Variants in PHF12 observed in about 807,000 individuals in gnomAD.
PHF12 encodes PHD factor 1.
PHF12 carries 6 observed loss-of-function variants against 99.8 expected under a neutral mutation model. The observed-to-expected ratio is 0.06, with a 90% CI of 0.03 to 0.12. The LOEUF (loss-of-function observed/expected upper bound fraction) is 0.12. Ranked by LOEUF, PHF12 falls within the 10% of genes least tolerant of loss-of-function variation. The pLI is 1.00. For missense variants in PHF12, 954 were observed against 1,300.1 expected, an observed-to-expected ratio of 0.73 and a Z score of 4.09; for synonymous variants, 480 against 514.9, an observed-to-expected ratio of 0.93 and a Z score of 0.92.
At chr17:28,946,110 T>C (rs1199385075) in intron 2 of PHF12, among the ~76,000 whole-genome samples, 2 of 152,054 alleles carry the variant, frequency 1.3e-5, no homozygotes, top group Non-Finnish European at 2.9e-5. Flanking sequence ...CCAGCCTCGG[T>C]GACAGAGCAA....
In PHF12 at chr17:28,906,137, G is replaced by A; in HGVS notation, c.*46C>T. ...GTTTGTGTACATTTTTGCATTGCAG[G>A]AGTCTTGGGTGGGTGTACAGGCCAG... On this transcript the variant is annotated 3_prime_UTR_variant, in exon 15 of 15. Transcript: ENST00000332830. The surrounding 1 kb of genome is among the most constrained non-coding windows in gnomAD (Gnocchi z 4.2). 6.6e-7 allele frequency: 1 copy of A among 1,526,124 alleles called. No homozygotes were observed. 94.5% of individuals were successfully genotyped at this position (1,526,124 alleles called of 1,614,324 possible). A position where few individuals can be genotyped will look rare whatever the true frequency, so the allele number is the denominator to read the frequency against.
At chr17:28,908,745 C>G in intron 12 of PHF12, 38 bp downstream of exon 12, 1 of 1,596,846 alleles carries the variant, frequency 6.3e-7, no homozygotes, top group Non-Finnish European at 8.6e-7. Flanking sequence ...TAGGGCTGAA[C>G]AGATTCAGTG....
intron 7 of PHF12, among the ~76,000 whole-genome samples, chr17:28,915,657 T>C (rs1235282827): frequency 1.3e-5 from 2 of 151,620 alleles, no homozygotes; most frequent in African/African-American, 4.9e-5. Context: ...TGGGGAAGAG[T>C]GAAGGGCTAA....
At chr17:28,946,049 T>C (rs1445373597) in intron 2 of PHF12, among the ~76,000 whole-genome samples, 1 of 152,158 alleles carries the variant, frequency 6.6e-6, no homozygotes, top group African/African-American at 2.4e-5. Context: ...GAAAGGAGAA[T>C]TGCTTGAGCC....
chr17:28,939,417 T>C (rs1297336479), intron 2 of PHF12, among the ~76,000 whole-genome samples: 2 of 152,234 alleles, frequency 1.3e-5, no homozygotes, highest in Non-Finnish European at 2.9e-5. Flanking sequence ...ATGAGATTAA[T>C]GGAGCATAAT....
rs911956995 is a variant in PHF12 at position 28,949,137 on chromosome 17, C to A, written c.248+928G>T. On this transcript the variant is annotated intron_variant, in intron 2 of 14. Coordinates refer to ENST00000332830, the MANE Select transcript of PHF12 (RefSeq NM_001033561.2). This position sits in a 1 kb window ranked among gnomAD's most constrained non-coding sequence, Gnocchi z 4.6. ...GCGTACGGCTTTCCAGCTCTCAGCT[C>A]CTTAAAAATGCCTTTCTAGTGCCAC... Among the ~76,000 whole-genome samples the A allele has an allele frequency of 6.6e-6, 1 of 152,206 alleles. No individual in the cohort carries two copies. Among genetic ancestry groups the A allele is most frequent in the African/African-American group, 2.4e-5 (1 of 41,448 alleles).
intron 2 of PHF12, among the ~76,000 whole-genome samples, chr17:28,934,610 AT>A (rs561144385): frequency 0.044 from 5,544 of 126,418 alleles, 218 homozygotes; most frequent in African/African-American, 0.13. Flanking sequence ...TTTCTTTTCT[AT>A]TTTTTTTTTT....
intron 3 of PHF12, 128 bp from the exon 4 acceptor site, chr17:28,924,430 T>C: frequency 7.9e-7 from 1 of 1,267,456 alleles, no homozygotes; most frequent in African/African-American, 1.5e-5. Flanking sequence ...CTCATCTACC[T>C]GGTCACTTGG....
At chr17:28,922,661 C>T (rs2040187225) in intron 4 of PHF12, among the ~76,000 whole-genome samples, 1 of 152,110 alleles carries the variant, frequency 6.6e-6, no homozygotes, top group Non-Finnish European at 1.5e-5. Context: ...CTCTGAAGCA[C>T]TACCAGTAGT....
At chr17:28,907,789 C>A (rs2039895282) in intron 12 of PHF12, 117 bp from the exon 13 acceptor site, 1 of 848,604 alleles carries the variant, frequency 1.2e-6, no homozygotes, top group East Asian at 2.6e-5. Context: ...GCAGAGACTT[C>A]AAGGGTGAGT....
In PHF12 at chr17:28,913,982, G is replaced by C. The variant is rs746254087; in HGVS notation, c.1190C>G (p.Ala397Gly). Residue 397 changes from alanine to glycine, a missense_variant, in exon 8 of 15, where the codon GCG becomes GGG. By Grantham distance (60) the Ala-to-Gly change is moderately conservative. This residue lies in a region of PHF12 where 392 missense variants were observed against 423.1 expected (regional missense o/e 0.93). Coordinates refer to ENST00000332830, the MANE Select transcript of PHF12 (RefSeq NM_001033561.2). ...YQFPPPLIAP[A>G]AIRDGELICN... Reference sequence around the variant, plus strand: ...GATCAGCTCCCCGTCCCGAATGGCCGCGGGTGCAATGAGAGGGGGTGGAAA... The same window carrying C: ...GATCAGCTCCCCGTCCCGAATGGCCCCGGGTGCAATGAGAGGGGGTGGAAA... 1 of 1,613,564 alleles carries C rather than the reference G, an allele frequency of 6.2e-7. No individual in the cohort carries two copies. Among genetic ancestry groups the C allele is most frequent in the East Asian group, 2.2e-5 (1 of 44,884 alleles).
chr17:28,913,738 CT>C (rs1483760234), intron 8 of PHF12, 140 bp downstream of exon 8: 1 of 1,232,322 alleles, frequency 8.1e-7, no homozygotes, highest in Non-Finnish European at 1.1e-6. Context: ...GAAGTTCCCC[CT>C]GGAATACTCA....
At chr17:28,925,877 C>G (rs1024911057) in intron 3 of PHF12, 2 of 152,280 alleles carry the variant, frequency 1.3e-5, no homozygotes, top group African/African-American at 4.8e-5. Flanking sequence ...GTCTTTACCC[C>G]TTTTCCTTCA....
intron 13 of PHF12, 84 bp downstream of exon 13, chr17:28,907,506 C>A: frequency 7.2e-7 from 1 of 1,386,204 alleles, no homozygotes; most frequent in South Asian, 1.2e-5. Context: ...TCTTCCCTCC[C>A]CTCAGGGCAC....
intron 5 of PHF12, among the ~76,000 whole-genome samples, chr17:28,919,915 C>T (rs970993711): frequency 6.6e-6 from 1 of 152,210 alleles, no homozygotes; most frequent in South Asian, 2.1e-4. Flanking sequence ...GCTCAGTACT[C>T]ACTAGGGGAA....
At position 28,916,637 on chromosome 17, in the gene PHF12, G is replaced by C. The variant is rs139603960; in HGVS notation, c.1134+648C>G. Reference sequence around the variant, plus strand: ...TGGGTATATAGTGTTGGACCCTCTAGGTTAACTGAATGAGGGGATTGAATG... The same window carrying C: ...TGGGTATATAGTGTTGGACCCTCTACGTTAACTGAATGAGGGGATTGAATG... On this transcript the variant is annotated intron_variant, in intron 7 of 14. Transcript: ENST00000332830. 7.8e-3 allele frequency among the ~76,000 whole-genome samples: 1,189 copies of C among 152,302 alleles called. 16 individuals carry two copies. The highest frequency in any genetic ancestry group is 0.027 in the African/African-American group (1,110 of 41,560).
At position 28,951,295 on chromosome 17, in the gene PHF12, G is replaced by T. The variant is rs955931297; in HGVS notation, c.-335C>A. 8.9e-7 allele frequency: 1 copy of T among 1,120,790 alleles called. No homozygotes were observed. The highest frequency in any genetic ancestry group is 3.9e-4 in the Middle Eastern group (1 of 2,596). The allele number at this position is 1,120,790 out of a possible 1,614,324, so 69.4% of individuals were successfully genotyped here. ...ACAGCCGGTCCGGCCGGGAAGGCTG[G>T]CGGGCGCTGCCATCCCGGGGCTGGG... On this transcript the variant is annotated 5_prime_UTR_variant, in exon 1 of 15. Transcript: ENST00000332830.
chr17:28,913,699 T>A (rs1351421829), intron 8 of PHF12, among the ~76,000 whole-genome samples, 180 bp downstream of exon 8: 2 of 152,176 alleles, frequency 1.3e-5, no homozygotes, highest in Admixed American at 6.5e-5. Flanking sequence ...CCTTTGTAGA[T>A]CTCTTACTTG....
At chr17:28,921,338 AT>A (rs937432824) in intron 5 of PHF12, among the ~76,000 whole-genome samples, 33 of 151,156 alleles carry the variant, frequency 2.2e-4, no homozygotes, top group African/African-American at 7.5e-4. Context: ...CATTAAAAAA[AT>A]TTTTTTTTGT....
Sources: gnomAD v4.1 joint callset for allele counts (sites outside exome capture counted in the v4.1 genomes callset) on GRCh38, gnomAD v4.1.1 for gene constraint, gnomAD v4.1.1 regional missense constraint, Gnocchi (gnomAD v3.1) non-coding constraint, MANE v1.5 for transcripts, NCBI Gene and HGNC (gene_info 2026-07-23, HGNC 2026-07-21) for gene names.